Variants in PKHD1 observed in about 807,000 individuals in gnomAD.
PKHD1 encodes the protein PKHD1 ciliary IPT domain containing fibrocystin/polyductin, also known as fibrocystin.
PKHD1 carries 291 observed loss-of-function variants against 412.0 expected under a neutral mutation model. The observed-to-expected ratio is 0.71, with a 90% confidence interval of 0.64 to 0.78. The LOEUF (loss-of-function observed/expected upper bound fraction) is 0.78. PKHD1 is among the 30% of genes least tolerant of loss of function. PKHD1 has a pLI of 0.00. For synonymous variants in PKHD1, 1,777 were observed against 1,821.5 expected (o/e 0.98, Z 0.62); for missense variants, 4,825 against 4,950.7 (o/e 0.97, Z 0.76).
chr6:52,078,626 A>C (rs1366859926), intron 5 of PKHD1, among the ~76,000 whole-genome samples: 1 of 152,212 alleles, frequency 6.6e-6, no homozygotes, highest in Non-Finnish European at 1.5e-5. Context: ...TTGCCAAGAT[A>C]GTTGAACCAC....
intron 43 of PKHD1, among the ~76,000 whole-genome samples, chr6:51,899,162 T>C (rs907976142): frequency 2.0e-5 from 3 of 152,170 alleles, no homozygotes; most frequent in African/African-American, 7.2e-5. Context: ...CCTAACTCAA[T>C]TTATGAGGCC....
rs1766028810 is a variant in PKHD1, at chr6:51,615,983, A to G, written c.*3098T>C. On this transcript the variant is annotated 3_prime_UTR_variant, in exon 67 of 67. Transcript: ENST00000371117. ...CCCCCTCCCCAAACAAAAAGCATGG[A>G]GAAATGGTCAAAACAACCGTGGCTC... 6.6e-6 allele frequency: 1 copy of G among 152,004 alleles called. No individual in the cohort carries two copies. Among genetic ancestry groups the G allele is most frequent in the South Asian group, 2.1e-4 (1 of 4,818 alleles). The allele number at this position is 152,004 out of a possible 1,614,324, so 9.4% of individuals were successfully genotyped here.
intron 50 of PKHD1, among the ~76,000 whole-genome samples, chr6:51,844,421 C>G (rs1044471694): frequency 1.3e-5 from 2 of 152,176 alleles, no homozygotes; most frequent in Non-Finnish European, 2.9e-5. Flanking sequence ...ATATTGTATG[C>G]GTATGATTTT....
rs1005171933 is a variant in PKHD1 at position 52,005,082 on chromosome 6, G to A, written c.5751+5227C>T. On this transcript the variant is annotated intron_variant, in intron 35 of 66. Coordinates refer to ENST00000371117, the MANE Select transcript of PKHD1 (RefSeq NM_138694.4). ...TCTGATTGGAAACTGAGAGCACAGA[G>A]AAATGGAACCCAAAAAGAGTTTTTT... Among the ~76,000 whole-genome samples, 4 of 152,252 alleles carry A rather than the reference G, an allele frequency of 2.6e-5. No homozygotes were observed. The East Asian group carries it at 7.7e-4, about 29-fold the overall frequency.
At chr6:51,912,637 T>C (rs1306431011) in intron 37 of PKHD1, 61 bp from the exon 38 acceptor site, 2 of 1,117,862 alleles carry the variant, frequency 1.8e-6, no homozygotes, top group Non-Finnish European at 2.7e-6. Context: ...ACGTGATTAA[T>C]TTAATCATTA....
rs759192856 is a variant in PKHD1, at chr6:52,017,586, G to A, written c.5424C>T (p.Ser1808=). The change falls in exon 34 of 67, where the codon AGC becomes AGT. Residue 1808 remains serine (S), a synonymous_variant. Transcript: ENST00000371117. ...CATAGGTGTGTCTGGCAGCCTCACA[G>A]CTGTCCTCCTCACGCTTCAGGCCAC... ...FLCGLKREED[S]CEAARHTYVQ... 1 of 1,613,990 alleles carries A rather than the reference G, an allele frequency of 6.2e-7. No individual in the cohort carries two copies. Among genetic ancestry groups the A allele is most frequent in the Non-Finnish European group, 8.5e-7 (1 of 1,179,978 alleles).
intron 37 of PKHD1, among the ~76,000 whole-genome samples, chr6:51,928,073 C>G (rs1381173500): frequency 6.6e-6 from 1 of 152,120 alleles, no homozygotes; most frequent in Non-Finnish European, 1.5e-5. Context: ...GCTTGTTAAA[C>G]CTCTCACCTT....
At chr6:51,886,358 A>C (rs181225644) in intron 44 of PKHD1, among the ~76,000 whole-genome samples, 97 of 152,338 alleles carry the variant, frequency 6.4e-4, no homozygotes, top group African/African-American at 2.3e-3. Flanking sequence ...TAATGCTAAC[A>C]CAATTATATA....
At chr6:51,939,734 T>A (rs1350074656) in intron 36 of PKHD1, among the ~76,000 whole-genome samples, 1 of 151,456 alleles carries the variant, frequency 6.6e-6, no homozygotes, top group Admixed American at 6.6e-5. Flanking sequence ...CCCTCCCTCC[T>A]GTTCTCTCAG....
At chr6:51,981,351 CCCTCTCCCTCT>C in intron 35 of PKHD1, among the ~76,000 whole-genome samples, 1 of 110,646 alleles carries the variant, frequency 9.0e-6, no homozygotes, top group East Asian at 2.7e-4. Flanking sequence ...CTCTCCCTCT[CCCTCTCCCTCT>C]CCCTCTCCCT....
chr6:51,729,670 G>A (rs75985295), intron 60 of PKHD1, among the ~76,000 whole-genome samples: 6,326 of 152,174 alleles, frequency 0.042, 197 homozygotes, highest in Middle Eastern at 0.11. Context: ...ATTTGAGAAC[G>A]AAGTTTGAGA....
At chr6:51,708,541 T>C (rs1206292592) in intron 60 of PKHD1, among the ~76,000 whole-genome samples, 1 of 152,204 alleles carries the variant, frequency 6.6e-6, no homozygotes, top group South Asian at 2.1e-4. Context: ...TGGGTTATTA[T>C]ATATTCTGGG....
intron 55 of PKHD1, among the ~76,000 whole-genome samples, chr6:51,765,512 C>T (rs1788842928): frequency 6.6e-6 from 1 of 152,040 alleles, no homozygotes. Context: ...TCCCCCCTAC[C>T]CCCACCCTAG....
intron 60 of PKHD1, among the ~76,000 whole-genome samples, chr6:51,666,123 G>C (rs1751398998): frequency 6.7e-6 from 1 of 148,602 alleles, no homozygotes; most frequent in South Asian, 2.1e-4. Flanking sequence ...TGCAAACTCA[G>C]TCTTTCTGTT....
chr6:51,766,631 T>G (rs1271581204), intron 55 of PKHD1, among the ~76,000 whole-genome samples: 1 of 152,062 alleles, frequency 6.6e-6, no homozygotes, highest in Non-Finnish European at 1.5e-5. Flanking sequence ...TTATTTTCAT[T>G]CTTGACATAT....
At chr6:51,820,288 T>C (rs1766174354) in intron 52 of PKHD1, among the ~76,000 whole-genome samples, 1 of 152,212 alleles carries the variant, frequency 6.6e-6, no homozygotes, top group Admixed American at 6.5e-5. Context: ...TCCAAGAACA[T>C]TATTCTATTA....
intron 35 of PKHD1, among the ~76,000 whole-genome samples, chr6:51,968,387 C>A (rs1793160459): frequency 6.6e-6 from 1 of 152,164 alleles, no homozygotes; most frequent in African/African-American, 2.4e-5. Context: ...GTGGTTCCCT[C>A]CCTTTTCTTC....
chr6:51,687,483 A>C (rs1368949277), intron 60 of PKHD1, among the ~76,000 whole-genome samples: 2 of 152,208 alleles, frequency 1.3e-5, no homozygotes, highest in Non-Finnish European at 2.9e-5. Flanking sequence ...ATGGTGTTAA[A>C]TATCCATAGA....
Position 51,619,105 on chromosome 6 carries a change from C to A in PKHD1, c.12201G>T (p.Pro4067=), listed in dbSNP as rs750988521. 3.7e-6 allele frequency: 6 copies of A among 1,614,082 alleles called. No individual in the cohort carries two copies. In the Admixed American group the frequency reaches 5.0e-5, roughly 13 times the overall value. ...ATCACAGTTGCTCCTGAATAGTTTCCGGGTGTACTGAATGAAGGCAGAATG... is the reference window on the plus strand; with the variant it reads ...ATCACAGTTGCTCCTGAATAGTTTCAGGGTGTACTGAATGAAGGCAGAATG... ...TEAFCLHSVH[P]ETIQEQL is the part of the protein sequence containing the mutation. Residue 4067 remains proline (P), a synonymous_variant, in exon 67 of 67, where the codon CCG becomes CCT. Coordinates refer to ENST00000371117, the MANE Select transcript of PKHD1 (RefSeq NM_138694.4).
Sources: gnomAD v4.1 joint callset for allele counts (sites outside exome capture counted in the v4.1 genomes callset) on GRCh38, gnomAD v4.1.1 for gene constraint, MANE v1.5 for transcripts, NCBI Gene and HGNC (gene_info 2026-07-23, HGNC 2026-07-21) for gene names.